CDC42SE2: variants seen among roughly 807,000 people sequenced by gnomAD.
CDC42SE2 encodes the protein CDC42 small effector 2.
In CDC42SE2, 3 loss-of-function variants were observed where a neutral mutation model predicts 11.5. The observed-to-expected ratio is 0.26, with a 90% confidence interval of 0.12 to 0.67. The LOEUF (loss-of-function observed/expected upper bound fraction) is 0.67, where lower values mean the gene tolerates loss of function less well. Among genes scored for constraint, CDC42SE2 ranks in the 30% least tolerant of loss-of-function variants. CDC42SE2 has a pLI of 0.80. For missense variants in CDC42SE2, 82 were observed against 106.8 expected (o/e 0.77, Z 1.02); for synonymous variants, 33 against 34.8 (o/e 0.95, Z 0.18).
At position 131,393,817 on chromosome 5, in the gene CDC42SE2, G is replaced by GTTTT. The variant is rs71000990; in HGVS notation, c.*2749_*2752dup. ...GATTTTAGTCTTTTTCCAAATCGCTGTTTTTTTTTTTTTTTTTTTTTTTTT... is the reference window on the plus strand; with the variant it reads ...GATTTTAGTCTTTTTCCAAATCGCTGTTTTTTTTTTTTTTTTTTTTTTTTTTTTT... On this transcript the variant is annotated 3_prime_UTR_variant, in exon 5 of 5. Transcript: ENST00000505065. 7.6e-5 allele frequency: 9 copies of GTTTT among 118,706 alleles called. No homozygotes were observed. The highest frequency in any genetic ancestry group is 1.8e-4 in the African/African-American group (5 of 28,390). 7.4% of individuals were successfully genotyped at this position (118,706 alleles called of 1,614,324 possible). A position where few individuals can be genotyped will look rare whatever the true frequency, so the allele number is the denominator to read the frequency against.
At chr5:131,356,109 A>G (rs541665597) in intron 2 of CDC42SE2, among the ~76,000 whole-genome samples, 7 of 152,278 alleles carry the variant, frequency 4.6e-5, no homozygotes, top group South Asian at 4.2e-4. Context: ...TTATGAATCT[A>G]TGAGGTTGTT....
chr5:131,302,535 T>G (rs998034531), intron 1 of CDC42SE2, among the ~76,000 whole-genome samples: 2 of 151,868 alleles, frequency 1.3e-5, no homozygotes, highest in African/African-American at 4.8e-5. Flanking sequence ...GGGCTGGTCT[T>G]GAACTCCTGA....
At chr5:131,314,510 G>A (rs1170668333) in intron 1 of CDC42SE2, among the ~76,000 whole-genome samples, 1 of 151,662 alleles carries the variant, frequency 6.6e-6, no homozygotes. Flanking sequence ...CAGAGTGCTG[G>A]GATTATACAT....
intron 2 of CDC42SE2, among the ~76,000 whole-genome samples, chr5:131,342,854 A>G (rs1431575544): frequency 6.6e-6 from 1 of 152,046 alleles, no homozygotes. Context: ...CTGGGACTAC[A>G]GGCATGTGCC....
chr5:131,328,482 T>C (rs1047696623), intron 2 of CDC42SE2, among the ~76,000 whole-genome samples: 7 of 152,212 alleles, frequency 4.6e-5, no homozygotes, highest in African/African-American at 1.7e-4. Flanking sequence ...CCTAGAAATG[T>C]TTCATTTCCC....
chr5:131,279,466 C>A (rs1218438149), intron 1 of CDC42SE2, among the ~76,000 whole-genome samples: 2 of 133,056 alleles, frequency 1.5e-5, no homozygotes, highest in African/African-American at 5.6e-5. Flanking sequence ...CCCCCCCTTT[C>A]AGAATAATTT....
chr5:131,291,048 T>C (rs963062018), intron 1 of CDC42SE2, among the ~76,000 whole-genome samples: 1 of 152,178 alleles, frequency 6.6e-6, no homozygotes, highest in African/African-American at 2.4e-5. Context: ...ACAAGAAGCC[T>C]TATAGAGAAA....
At chr5:131,375,488 G>C (rs1288093238) in intron 3 of CDC42SE2, among the ~76,000 whole-genome samples, 1 of 151,998 alleles carries the variant, frequency 6.6e-6, no homozygotes, top group African/African-American at 2.4e-5. Flanking sequence ...ATACTAGCTG[G>C]TTTTGGTTTC....
intron 1 of CDC42SE2, among the ~76,000 whole-genome samples, chr5:131,279,614 GTTGTCTTGTT>G (rs1757196227): frequency 6.6e-6 from 1 of 151,908 alleles, no homozygotes; most frequent in African/African-American, 2.4e-5. Flanking sequence ...ATGAAATGGT[GTTGTCTTGTT>G]TTCTCAAGTT....
intron 1 of CDC42SE2, among the ~76,000 whole-genome samples, chr5:131,292,568 AAAAAAAAC>A (rs1288030149): frequency 6.7e-6 from 1 of 148,614 alleles, no homozygotes; most frequent in Non-Finnish European, 1.5e-5. Flanking sequence ...TCAAAAAAAA[AAAAAAAAC>A]AAAAAACAAA....
At chr5:131,332,621 C>T (rs1580759274) in intron 2 of CDC42SE2, among the ~76,000 whole-genome samples, 1 of 152,262 alleles carries the variant, frequency 6.6e-6, no homozygotes, top group South Asian at 2.1e-4. Flanking sequence ...ACATCCTCTC[C>T]AGCACCTGTT....
upstream of CDC42SE2, among the ~76,000 whole-genome samples, chr5:131,263,193 T>C (rs566533918): frequency 4.7e-4 from 71 of 151,894 alleles, no homozygotes; most frequent in African/African-American, 1.7e-3. Context: ...CTTGACAGAT[T>C]GAAAGTGAAA....
At chr5:131,228,224 A>C in the CDC42SE2 span, among the ~76,000 whole-genome samples, 10 of 152,034 alleles carry the variant, frequency 6.6e-5, no homozygotes, top group African/African-American at 2.4e-4. Flanking sequence ...AAAATTATCC[A>C]GGTGTGGTGG....
chr5:131,255,345 A>G (rs924447292), intron 2 of CDC42SE2: 2 of 152,190 alleles, frequency 1.3e-5, no homozygotes, highest in African/African-American at 4.8e-5. Flanking sequence ...AAATTATATT[A>G]TTAAAATTAC....
At chr5:131,314,240 T>G (rs1580748828) in intron 1 of CDC42SE2, among the ~76,000 whole-genome samples, 1 of 151,928 alleles carries the variant, frequency 6.6e-6, no homozygotes, top group East Asian at 1.9e-4. Context: ...GTCCTTTTTT[T>G]TTTTTTTTGG....
intron 2 of CDC42SE2, among the ~76,000 whole-genome samples, chr5:131,327,331 A>G (rs1758320084): frequency 6.6e-6 from 1 of 152,108 alleles, no homozygotes; most frequent in Admixed American, 6.6e-5. Context: ...ATCCCCAGTG[A>G]GTATATTGCT....
At position 131,245,713 on chromosome 5, in the gene CDC42SE2, T is replaced by C. The variant is rs140688895; in HGVS notation, n.107+114T>C. ...AGTGTCAGATGAATTTTCTTAATCA[T>C]ATTACTTGAAGTTACTTGAGCCTTT... On this transcript the variant is annotated intron_variant and non_coding_transcript_variant, in intron 1 of 3. Coordinates refer to the CDC42SE2 transcript ENST00000502840. The C allele has an allele frequency of 2.8e-4, 42 of 152,352 alleles. No individual in the cohort carries two copies. The East Asian group carries it at 7.9e-3, about 29-fold the overall frequency. 9.4% of individuals were successfully genotyped at this position (152,352 alleles called of 1,614,324 possible).
intron 1 of CDC42SE2, among the ~76,000 whole-genome samples, chr5:131,299,342 TGA>T (rs906101123): frequency 7.2e-5 from 11 of 152,146 alleles, no homozygotes; most frequent in Non-Finnish European, 1.0e-4. Context: ...TGGTATTCGT[TGA>T]GAGATGATGG....
At chr5:131,325,763 CA>C (rs1228433416) in intron 2 of CDC42SE2, among the ~76,000 whole-genome samples, 1 of 152,216 alleles carries the variant, frequency 6.6e-6, no homozygotes, top group African/African-American at 2.4e-5. Context: ...AAAGTTCTGT[CA>C]GCAATGTTGC....
Sources: allele counts gnomAD v4.1 joint callset (sites outside exome capture counted in the v4.1 genomes callset), GRCh38; gene constraint gnomAD v4.1.1; transcripts MANE v1.5; gene names NCBI Gene and HGNC (gene_info 2026-07-23, HGNC 2026-07-21).